Variants in GFI1B observed in about 807,000 individuals in gnomAD.
GFI1B encodes the protein zinc finger protein Gfi-1b.
Under a neutral mutation model 35.3 loss-of-function variants are expected in GFI1B, and 20 were observed. The ratio of observed to expected loss-of-function variants is 0.57; its 90% CI spans 0.40 to 0.82. The LOEUF is 0.82. GFI1B is among the 40% of genes least tolerant of loss of function. The pLI is 0.00. For missense variants in GFI1B, 430 were observed against 446.3 expected, an observed-to-expected ratio of 0.96 and a Z score of 0.33; for synonymous variants, 178 against 177.6, an observed-to-expected ratio of 1.00 and a Z score of -0.02.
chr9:132,949,006 G>C (rs869116), intron 1 of GFI1B, among the ~76,000 whole-genome samples: 4 of 152,154 alleles, frequency 2.6e-5, no homozygotes, highest in East Asian at 1.9e-4. Flanking sequence ...CTCCTGCTGC[G>C]TGGCCTGTCT....
At chr9:132,982,184 T>C (rs1848849703) in intron 1 of GFI1B, among the ~76,000 whole-genome samples, 1 of 152,226 alleles carries the variant, frequency 6.6e-6, no homozygotes, top group South Asian at 2.1e-4. Context: ...GGTGGTTCAA[T>C]CTCTCACTGA....
At chr9:132,962,564 G>A in intron 1 of GFI1B, 3 of 460,560 alleles carry the variant, frequency 6.5e-6, no homozygotes, top group South Asian at 4.4e-5. Flanking sequence ...AGAAACAAAA[G>A]CAAAAATCAT....
intron 2 of GFI1B, among the ~76,000 whole-genome samples, 157 bp from the exon 3 acceptor site, chr9:132,987,121 CGCCT>C (rs1849097333): frequency 6.6e-6 from 1 of 152,216 alleles, no homozygotes; most frequent in Non-Finnish European, 1.5e-5. Context: ...TTCTTGCCGC[CGCCT>C]GCTCTGGGCA....
At chr9:132,976,806 T>C (rs960546102), upstream of GFI1B, among the ~76,000 whole-genome samples, 5 of 151,924 alleles carry the variant, frequency 3.3e-5, no homozygotes, top group African/African-American at 1.2e-4. Context: ...TAACCAGGCA[T>C]GGTGGTGCGC....
chr9:132,990,930 C>T lies in GFI1B; in HGVS notation c.873C>T (p.Leu291=), dbSNP rs778677365. The T allele has an allele frequency of 1.9e-6, 3 of 1,614,110 alleles. No individual in the cohort carries two copies. Among genetic ancestry groups the T allele is most frequent in the East Asian group, 2.2e-5 (1 of 44,898 alleles). The part of the protein sequence containing the change: ...CGKAFSQSSN[L]ITHSRKHTGF... The stretch of plus-strand genomic sequence containing the variant: ...AGGCCTTCAGCCAGAGCTCCAACCT[C>T]ATCACCCACAGCCGCAAGCACACAG... Residue 291 remains leucine, a synonymous_variant, in exon 7 of 7, where the codon CTC becomes CTT. Transcript: ENST00000372122.
intron 1 of GFI1B, among the ~76,000 whole-genome samples, chr9:132,979,736 A>G (rs1055376693): frequency 1.3e-5 from 2 of 152,170 alleles, no homozygotes; most frequent in Non-Finnish European, 2.9e-5. Context: ...AAAAAAACCA[A>G]GTTTAAGTGT....
intron 1 of GFI1B, among the ~76,000 whole-genome samples, chr9:132,958,717 G>A (rs1160387742): frequency 1.3e-5 from 2 of 152,174 alleles, no homozygotes; most frequent in African/African-American, 4.8e-5. Flanking sequence ...TTTTAGCTAG[G>A]GTGTGGGTGG....
At chr9:132,967,941 C>T (rs1474897861) in intron 1 of GFI1B, among the ~76,000 whole-genome samples, 3 of 151,846 alleles carry the variant, frequency 2.0e-5, no homozygotes, top group East Asian at 1.9e-4. Flanking sequence ...CCACCACGCC[C>T]GGCTAATTTT....
Position 132,989,160 on chromosome 9 carries a change from G to T in GFI1B, c.610G>T (p.Ala204Ser), listed in dbSNP as rs62638686. 192 of 1,613,822 alleles carry T rather than the reference G, an allele frequency of 1.2e-4. No homozygotes were observed. Among genetic ancestry groups the T allele is most frequent in the Middle Eastern group, 9.9e-4 (6 of 6,046 alleles). ...CATCTGCGGCAAAACCTTCGGCCAC[G>T]CTGTGAGCCTGGAGCAGCACACGCA... ...CDICGKTFGH[A>S]VSLEQHTHVH... The change falls in exon 5 of 7, where the codon GCT (alanine) becomes TCT (serine). Residue 204 changes from alanine (A) to serine (S), a missense_variant. Physicochemically the swap from Ala to Ser is moderately conservative, Grantham distance 99. Coordinates refer to ENST00000372122, the MANE Select transcript of GFI1B (RefSeq NM_001377304.1). The surrounding 1 kb of genome is among the most constrained non-coding windows in gnomAD (Gnocchi z 6.2).
downstream of GFI1B, among the ~76,000 whole-genome samples, chr9:132,992,863 T>G (rs1295727577): frequency 6.6e-6 from 1 of 151,560 alleles, no homozygotes; most frequent in Non-Finnish European, 1.5e-5. Context: ...CATGGACACC[T>G]CTGAATGAAC....
At chr9:132,973,185 G>A (rs1013720511) in intron 2 of GFI1B, among the ~76,000 whole-genome samples, 2 of 152,204 alleles carry the variant, frequency 1.3e-5, no homozygotes, top group Non-Finnish European at 2.9e-5. Context: ...TGGCTGTCCT[G>A]GGCCAAGGCC....
upstream of GFI1B, among the ~76,000 whole-genome samples, chr9:132,974,470 C>T (rs1375625916): frequency 2.6e-5 from 4 of 151,730 alleles, no homozygotes; most frequent in South Asian, 4.2e-4. Context: ...GGCTTGGTGG[C>T]GGGCACCTGT....
intron 4 of GFI1B, 128 bp from the exon 5 acceptor site, chr9:132,988,933 C>G (rs1849180465): frequency 1.1e-6 from 1 of 871,236 alleles, no homozygotes. Context: ...GCAGAACTGG[C>G]AATCCAGTGC....
At chr9:132,987,784 G>A (rs1849128301) in intron 3 of GFI1B, among the ~76,000 whole-genome samples, 1 of 152,170 alleles carries the variant, frequency 6.6e-6, no homozygotes, top group Non-Finnish European at 1.5e-5. Flanking sequence ...CTCCACATGA[G>A]GTGATGAAGG....
Position 132,991,121 on chromosome 9 carries a change from C to T in GFI1B, c.*71C>T. ...GTCACCTGGAGGCCAGCCTCACATG[C>T]CCAAATCTCCAGTCTCCTGGAGGTG... On this transcript the variant is annotated 3_prime_UTR_variant, in exon 7 of 7. Transcript: ENST00000372122. 7.3e-7 allele frequency: 1 copy of T among 1,362,498 alleles called. No individual in the cohort carries two copies. Among genetic ancestry groups the T allele is most frequent in the Non-Finnish European group, 1.0e-6 (1 of 964,782 alleles). The allele number at this position is 1,362,498 out of a possible 1,614,324, so 84.4% of individuals were successfully genotyped here.
chr9:132,960,426 A>G (rs754435767), intron 1 of GFI1B, among the ~76,000 whole-genome samples: 2 of 152,208 alleles, frequency 1.3e-5, no homozygotes, highest in Non-Finnish European at 2.9e-5. Flanking sequence ...TTGTGAGTTC[A>G]GGAAAGAAGG....
intron 1 of GFI1B, among the ~76,000 whole-genome samples, chr9:132,950,400 C>T (rs1848183281): frequency 6.6e-6 from 1 of 151,910 alleles, no homozygotes; most frequent in South Asian, 2.1e-4. Flanking sequence ...CCTGCTTACT[C>T]AGGTTGTGCT....
At chr9:132,948,663 T>G (rs1848156655) in intron 1 of GFI1B, among the ~76,000 whole-genome samples, 1 of 152,258 alleles carries the variant, frequency 6.6e-6, no homozygotes. Flanking sequence ...TCTGAGCTTC[T>G]GCTGGCAGCC....
At chr9:132,949,939 C>CCCCA (rs1848175848) in intron 1 of GFI1B, 1 of 153,188 alleles carries the variant, frequency 6.5e-6, no homozygotes, top group Non-Finnish European at 1.5e-5. Context: ...CATAGCAAGA[C>CCCCA]CCCATCTCTA....
Sources: gnomAD v4.1 joint callset for allele counts (sites outside exome capture counted in the v4.1 genomes callset) on GRCh38, gnomAD v4.1.1 for gene constraint, Gnocchi (gnomAD v3.1) non-coding constraint, MANE v1.5 for transcripts, NCBI Gene and HGNC (gene_info 2026-07-23, HGNC 2026-07-21) for gene names.